Variants in AUTS2 observed in about 807,000 individuals in gnomAD.
AUTS2 encodes the protein activator of transcription and developmental regulator AUTS2, also known as autism susceptibility gene 2 protein.
Under a neutral mutation model 112.4 loss-of-function variants are expected in AUTS2, and 17 were observed. That is an observed-to-expected ratio of 0.15 (90% CI 0.10 to 0.23). The LOEUF is 0.23. Among genes scored for constraint, AUTS2 ranks in the 10% least tolerant of loss-of-function variants. AUTS2 has a pLI of 1.00. For synonymous variants in AUTS2, 751 were observed against 702.7 expected (o/e 1.07, Z -1.09); for missense variants, 1,510 against 1,701.6 (o/e 0.89, Z 1.98).
Position 70,642,328 on chromosome 7 carries a change from A to G in AUTS2, c.691-56241A>G, listed in dbSNP as rs187247875. ...AGATCTTTACTTTTGCTATAGTGAA[A>G]CAAATACATATTTTGGCCTCACTTA... On this transcript the variant is annotated intron_variant, in intron 5 of 18. Transcript: ENST00000342771. Among the ~76,000 whole-genome samples, 4 of 152,338 alleles carry G rather than the reference A, an allele frequency of 2.6e-5. No homozygotes were observed. The East Asian group carries it at 5.8e-4, about 22-fold the overall frequency.
chr7:69,917,436 A>G (rs1562967455), intron 2 of AUTS2, among the ~76,000 whole-genome samples: 1 of 145,964 alleles, frequency 6.9e-6, no homozygotes, highest in East Asian at 1.9e-4. Flanking sequence ...CATGTGAGAA[A>G]TGTAGTCCTA....
intron 1 of AUTS2, among the ~76,000 whole-genome samples, chr7:69,886,510 A>G (rs1222334088): frequency 1.3e-5 from 2 of 152,200 alleles, no homozygotes; most frequent in Non-Finnish European, 2.9e-5. Context: ...TTTTGCCAGA[A>G]GTTGCTTTTT....
chr7:70,092,675 T>C (rs1562684692), intron 2 of AUTS2, among the ~76,000 whole-genome samples: 1 of 152,186 alleles, frequency 6.6e-6, no homozygotes, highest in South Asian at 2.1e-4. Flanking sequence ...TTAATTGCAC[T>C]GAAATTTCTT....
chr7:70,781,958 A>G (rs770045952), intron 15 of AUTS2: 1 of 622,016 alleles, frequency 1.6e-6, no homozygotes, highest in South Asian at 2.2e-5. Context: ...AGGAGGAGGC[A>G]GAGATCATCT....
At chr7:70,397,120 A>G (rs1245464799) in intron 4 of AUTS2, among the ~76,000 whole-genome samples, 3 of 151,030 alleles carry the variant, frequency 2.0e-5, no homozygotes, top group Non-Finnish European at 3.0e-5. Context: ...CTGGAGCTCA[A>G]TGGCACGATC....
In AUTS2 at chr7:70,694,761, C is replaced by G. The variant is rs1446291369; in HGVS notation, c.691-3808C>G. 1 of 148,984 alleles carries G rather than the reference C, an allele frequency of 6.7e-6. No homozygotes were observed. Among genetic ancestry groups the G allele is most frequent in the African/African-American group, 2.4e-5 (1 of 41,086 alleles). 9.2% of individuals were successfully genotyped at this position (148,984 alleles called of 1,614,324 possible). A position where few individuals can be genotyped will look rare whatever the true frequency, so the allele number is the denominator to read the frequency against. On this transcript the variant is annotated intron_variant, in intron 5 of 18. Transcript: ENST00000342771. The surrounding 1 kb of genome is among the most constrained non-coding windows in gnomAD (Gnocchi z 4.1). ...CTCGGCGGGCGCGCTCCTCCCGCCGCCCGGGGCCTCGGCCGCGCTGGATGT... is the reference window on the plus strand; with the variant it reads ...CTCGGCGGGCGCGCTCCTCCCGCCGGCCGGGGCCTCGGCCGCGCTGGATGT...
At chr7:70,134,431 T>C in intron 3 of AUTS2, 105 bp from the exon 4 acceptor site, 1 of 866,238 alleles carries the variant, frequency 1.2e-6, no homozygotes. Flanking sequence ...GGTGATGTGA[T>C]GTGGTGATGA....
rs545482781 is a variant in AUTS2, at chr7:70,574,365, T to C, written c.691-124204T>C. ...GCTCCATGTGCCAACGATCTTTGAA[T>C]AGAATCCCTTGGAGTTTCTACCCGT... On this transcript the variant is annotated intron_variant, in intron 5 of 18. Transcript: ENST00000342771. Among the ~76,000 whole-genome samples, 11 of 152,354 alleles carry C rather than the reference T, an allele frequency of 7.2e-5. No homozygotes were observed. The East Asian group carries it at 2.1e-3, about 29-fold the overall frequency.
At chr7:69,794,467 T>C (rs1319380317) in intron 1 of AUTS2, among the ~76,000 whole-genome samples, 1 of 152,236 alleles carries the variant, frequency 6.6e-6, no homozygotes, top group African/African-American at 2.4e-5. Flanking sequence ...TTCTGTGTTC[T>C]TGCAGCTGCA....
At chr7:69,722,871 G>A (rs1268245483) in intron 1 of AUTS2, among the ~76,000 whole-genome samples, 18 of 151,510 alleles carry the variant, frequency 1.2e-4, no homozygotes, top group Admixed American at 1.1e-3. Flanking sequence ...TTGGAATATG[G>A]TAACACCAAA....
intron 4 of AUTS2, among the ~76,000 whole-genome samples, chr7:70,183,959 T>A (rs191933170): frequency 6.6e-6 from 1 of 152,240 alleles, no homozygotes. Context: ...GAAGGAAGTT[T>A]AATAGAACAT....
At chr7:69,669,178 A>G (rs1455072245) in intron 1 of AUTS2, among the ~76,000 whole-genome samples, 1 of 152,208 alleles carries the variant, frequency 6.6e-6, no homozygotes, top group Non-Finnish European at 1.5e-5. Context: ...ATACCTAAAT[A>G]GCACAAAGTA....
At chr7:70,076,260 A>C (rs1203408992) in intron 2 of AUTS2, among the ~76,000 whole-genome samples, 1 of 152,184 alleles carries the variant, frequency 6.6e-6, no homozygotes, top group African/African-American at 2.4e-5. Flanking sequence ...AATCTTCATA[A>C]AGGACATGGA....
intron 1 of AUTS2, among the ~76,000 whole-genome samples, chr7:69,653,599 C>A (rs1039240386): frequency 6.6e-6 from 1 of 150,896 alleles, no homozygotes; most frequent in Non-Finnish European, 1.5e-5. Flanking sequence ...TACTTTAATT[C>A]TCTGTATGTG....
chr7:69,962,183 T>G (rs1001073877), intron 2 of AUTS2, among the ~76,000 whole-genome samples: 4 of 152,130 alleles, frequency 2.6e-5, no homozygotes, highest in African/African-American at 9.7e-5. Flanking sequence ...GAGATCATTC[T>G]CCCACCTTCA....
chr7:70,684,264 G>A (rs1477700361), intron 5 of AUTS2, among the ~76,000 whole-genome samples: 3 of 152,120 alleles, frequency 2.0e-5, no homozygotes, highest in Admixed American at 2.0e-4. Flanking sequence ...CCTTTGAGTA[G>A]AAGGATGGAC....
intron 4 of AUTS2, among the ~76,000 whole-genome samples, chr7:70,309,848 T>A (rs1193060894): frequency 6.6e-6 from 1 of 152,198 alleles, no homozygotes; most frequent in African/African-American, 2.4e-5. Context: ...ATGGCTCATC[T>A]TTGCAGCATG....
chr7:70,374,327 G>T (rs560995277), intron 4 of AUTS2, among the ~76,000 whole-genome samples: 80 of 152,266 alleles, frequency 5.3e-4, no homozygotes, highest in African/African-American at 1.8e-3. Context: ...TTTTTGCCTT[G>T]TGGGGTTTCT....
At chr7:70,322,472 G>A (rs1483673297) in intron 4 of AUTS2, among the ~76,000 whole-genome samples, 1 of 152,102 alleles carries the variant, frequency 6.6e-6, no homozygotes, top group African/African-American at 2.4e-5. Flanking sequence ...CTTTTTTTAT[G>A]TGGAGCCCCA....
Sources: allele counts gnomAD v4.1 joint callset (sites outside exome capture counted in the v4.1 genomes callset), GRCh38; gene constraint gnomAD v4.1.1; non-coding constraint Gnocchi (gnomAD v3.1); transcripts MANE v1.5; gene names NCBI Gene and HGNC (gene_info 2026-07-23, HGNC 2026-07-21).